The following KYAT3 variants were observed in gnomAD, a reference collection of about 807,000 sequenced individuals.
The protein encoded by KYAT3 is kynurenine aminotransferase 3, also known as kynurenine--oxoglutarate transaminase 3.
In KYAT3, 50 loss-of-function variants were observed where a neutral mutation model predicts 59.0. That is an observed-to-expected ratio of 0.85 (90% CI 0.68 to 1.07). The LOEUF (loss-of-function observed/expected upper bound fraction) is 1.07, where lower values mean the gene tolerates loss of function less well. KYAT3 is among the 50% of genes least tolerant of loss of function. The pLI, the probability that KYAT3 is intolerant of heterozygous loss-of-function variation, is 0.00. For synonymous variants in KYAT3, 148 were observed against 177.0 expected (o/e 0.84, Z 1.30); for missense variants, 497 against 533.3 (o/e 0.93, Z 0.67).
chr1:88,929,307 C>T, the KYAT3 span, among the ~76,000 whole-genome samples: 2,369 of 152,106 alleles, frequency 0.016, 59 homozygotes, highest in African/African-American at 0.052. Flanking sequence ...TCAATGAGGC[C>T]GTTGTCCCTC....
At position 88,972,226 on chromosome 1, in the gene KYAT3, G is replaced by A. The variant is rs546886311; in HGVS notation, c.100-2759C>T. The stretch of plus-strand genomic sequence containing the variant: ...AGGACCTCAGTCTTTTCCTCTTAAG[G>A]TTTTCCACTGAATGAGGCCCACCCA... On this transcript the variant is annotated intron_variant, in intron 2 of 13. Transcript: ENST00000260508. 1.5e-4 allele frequency among the ~76,000 whole-genome samples: 23 copies of A among 152,194 alleles called. No homozygotes were observed. The South Asian group carries it at 4.6e-3, about 30-fold the overall frequency.
intron 3 of KYAT3, 67 bp from the exon 4 acceptor site, chr1:88,968,881 A>C (rs918754662): frequency 5.7e-6 from 7 of 1,219,940 alleles, no homozygotes; most frequent in Non-Finnish European, 8.0e-6. Flanking sequence ...TTTATATCTT[A>C]TAGTCTTACC....
rs1675301799 is a variant in KYAT3, at chr1:88,943,092, C to T, written c.1216-1G>A. 1 of 1,602,118 alleles carries T rather than the reference C, an allele frequency of 6.2e-7. No individual in the cohort carries two copies. The highest frequency in any genetic ancestry group is 1.3e-5 in the African/African-American group (1 of 74,376). On this transcript the variant is annotated splice_acceptor_variant, in intron 12 of 13. Transcript: ENST00000260508. LOFTEE classifies it high-confidence loss of function. ...CTGAAACGGGGATGGCTGATAGTTT[C>T]TGAAAAATAAATAGAAACATATAAT...
chr1:88,922,066 G>T, the KYAT3 span, among the ~76,000 whole-genome samples: 2 of 152,164 alleles, frequency 1.3e-5, no homozygotes, highest in African/African-American at 4.8e-5. Context: ...ATGACTGAGG[G>T]CTGGGCATGG....
intron 10 of KYAT3, among the ~76,000 whole-genome samples, 177 bp from the exon 11 acceptor site, chr1:88,949,454 T>A (rs1675588836): frequency 6.6e-6 from 1 of 152,224 alleles, no homozygotes; most frequent in Admixed American, 6.5e-5. Flanking sequence ...AATGGAGGAA[T>A]CAGTTATACC....
chr1:88,989,899 G>A (rs1677688954), intron 1 of KYAT3, among the ~76,000 whole-genome samples: 1 of 152,150 alleles, frequency 6.6e-6, no homozygotes, highest in Admixed American at 6.5e-5. Context: ...AAGTCCCACG[G>A]GATATTGGTT....
chr1:88,987,577 C>G (rs1373420041), intron 2 of KYAT3, among the ~76,000 whole-genome samples: 1 of 152,172 alleles, frequency 6.6e-6, no homozygotes, highest in Non-Finnish European at 1.5e-5. Flanking sequence ...ATTTCATATA[C>G]TTTAACCTAA....
At chr1:88,968,857 A>G in intron 3 of KYAT3, 43 bp from the exon 4 acceptor site, 1 of 1,450,322 alleles carries the variant, frequency 6.9e-7, no homozygotes, top group South Asian at 1.4e-5. Context: ...TTCTACAATT[A>G]TAAAGTTCGC....
chr1:88,986,419 A>G (rs2101094628), intron 2 of KYAT3, among the ~76,000 whole-genome samples: 1 of 151,494 alleles, frequency 6.6e-6, no homozygotes, highest in Non-Finnish European at 1.5e-5. Flanking sequence ...AGGTCAGGAG[A>G]TTGAGACCAT....
At chr1:88,973,806 G>A (rs1212255385) in intron 2 of KYAT3, among the ~76,000 whole-genome samples, 2 of 152,196 alleles carry the variant, frequency 1.3e-5, no homozygotes, top group African/African-American at 2.4e-5. Context: ...AATACTGTAT[G>A]TTGAACCCAT....
At chr1:88,928,595 C>A in the KYAT3 span, among the ~76,000 whole-genome samples, 22,017 of 152,144 alleles carry the variant, frequency 0.14, 1,764 homozygotes, top group African/African-American at 0.22. Context: ...GCCCACTGCC[C>A]CAGGGGACGA....
intron 9 of KYAT3, among the ~76,000 whole-genome samples, chr1:88,953,568 TTC>T (rs1675771744): frequency 6.9e-6 from 1 of 145,612 alleles, no homozygotes; most frequent in African/African-American, 2.5e-5. Flanking sequence ...AAAAAAAAAG[TTC>T]ACACTATGAA....
rs928094593 is a variant in KYAT3, at chr1:88,986,192, A to AG, written c.99+2059_99+2060insC. Among the ~76,000 whole-genome samples, 82 of 150,212 alleles carry AG rather than the reference A, an allele frequency of 5.5e-4. 1 individual carries two copies. In the East Asian group the frequency reaches 0.013, roughly 24 times the overall value. On this transcript the variant is annotated intron_variant, in intron 2 of 13. Coordinates refer to ENST00000260508, the MANE Select transcript of KYAT3 (RefSeq NM_001008661.3). ...GTGAGAGACTGTATGAAAAAAAAAAAAGAGAGAGAGAGAGAGACAGAGAGA... is the reference window on the plus strand; with the variant it reads ...GTGAGAGACTGTATGAAAAAAAAAAAGAGAGAGAGAGAGAGAGACAGAGAGA...
intron 4 of KYAT3, among the ~76,000 whole-genome samples, chr1:88,965,920 C>T (rs1440325073): frequency 6.6e-6 from 1 of 152,134 alleles, no homozygotes; most frequent in Admixed American, 6.5e-5. Context: ...AAGAGGAGAT[C>T]TGAAAAGCAA....
intron 2 of KYAT3, among the ~76,000 whole-genome samples, chr1:88,973,907 A>G (rs1676656354): frequency 6.6e-6 from 1 of 152,228 alleles, no homozygotes; most frequent in Non-Finnish European, 1.5e-5. Context: ...TGGGACAGGT[A>G]CAGAAAAAGT....
At chr1:88,985,172 T>G (rs1404385290) in intron 2 of KYAT3, among the ~76,000 whole-genome samples, 2 of 152,150 alleles carry the variant, frequency 1.3e-5, no homozygotes, top group Non-Finnish European at 2.9e-5. Flanking sequence ...AAAAGCCTGG[T>G]TTATTCTCTC....
the KYAT3 span, among the ~76,000 whole-genome samples, chr1:88,921,451 C>T: frequency 6.6e-6 from 1 of 152,092 alleles, no homozygotes; most frequent in Non-Finnish European, 1.5e-5. Context: ...ATAGCCAAAC[C>T]ACAGTTTTTA....
intron 11 of KYAT3, 58 bp from the exon 12 acceptor site, chr1:88,943,481 T>G: frequency 1.2e-6 from 1 of 849,638 alleles, no homozygotes; most frequent in Non-Finnish European, 1.9e-6. Context: ...AACATGTATT[T>G]CATTTAAGTC....
intron 2 of KYAT3, chr1:88,984,152 A>G (rs959535201): frequency 9.1e-6 from 3 of 331,432 alleles, no homozygotes; most frequent in Non-Finnish European, 1.7e-5. Context: ...AAAAAATGCA[A>G]TTATATTAAG....
Sources: gnomAD v4.1 joint callset for allele counts (sites outside exome capture counted in the v4.1 genomes callset) on GRCh38, gnomAD v4.1.1 for gene constraint, MANE v1.5 for transcripts, NCBI Gene and HGNC (gene_info 2026-07-23, HGNC 2026-07-21) for gene names.